The following FHIT variants were observed in gnomAD, a reference collection of about 807,000 sequenced individuals.
FHIT encodes bis(5'-adenosyl)-triphosphatase.
A neutral mutation model predicts 17.9 loss-of-function variants in FHIT; 19 were observed. That is an observed-to-expected ratio of 1.06 (90% confidence interval 0.74 to 1.56). The LOEUF is 1.56. Ranked by LOEUF, FHIT falls within the 40% of genes most tolerant of loss-of-function variation. The pLI, the probability that FHIT is intolerant of heterozygous loss-of-function variation, is 0.00. For synonymous variants in FHIT, 81 were observed against 69.7 expected, an observed-to-expected ratio of 1.16 and a Z score of -0.81; for missense variants, 248 against 189.2, an observed-to-expected ratio of 1.31 and a Z score of -1.82.
chr3:60,494,506 A>C (rs2034209997), intron 5 of FHIT, among the ~76,000 whole-genome samples: 1 of 152,170 alleles, frequency 6.6e-6, no homozygotes, highest in African/African-American at 2.4e-5. Flanking sequence ...CAAAATGTAC[A>C]ATTAAATCAT....
intron 5 of FHIT, among the ~76,000 whole-genome samples, chr3:60,046,755 T>G (rs1184291590): frequency 6.6e-6 from 1 of 152,206 alleles, no homozygotes; most frequent in Non-Finnish European, 1.5e-5. Flanking sequence ...TTGGTAGCAT[T>G]TTTTTAAATC....
chr3:60,446,867 A>AATAATC (rs1240139753), intron 5 of FHIT, among the ~76,000 whole-genome samples: 3 of 100,538 alleles, frequency 3.0e-5, no homozygotes, highest in Non-Finnish European at 6.7e-5. Context: ...AAATAATAAT[A>AATAATC]ATAATAATAA....
chr3:60,214,402 A>T (rs1343030424), intron 5 of FHIT, among the ~76,000 whole-genome samples: 1 of 152,194 alleles, frequency 6.6e-6, no homozygotes, highest in Non-Finnish European at 1.5e-5. Flanking sequence ...CTAAAAAAGC[A>T]TAGTATTCTA....
chr3:61,002,584 C>A (rs569283271), intron 3 of FHIT, among the ~76,000 whole-genome samples: 1 of 152,262 alleles, frequency 6.6e-6, no homozygotes, highest in Non-Finnish European at 1.5e-5. Context: ...CCACTTTATA[C>A]CCTTTGATCA....
intron 7 of FHIT, among the ~76,000 whole-genome samples, chr3:59,924,948 C>A (rs986286105): frequency 6.6e-6 from 1 of 152,218 alleles, no homozygotes; most frequent in Admixed American, 6.5e-5. Flanking sequence ...AGTGTGGGCA[C>A]GGAGGTCACT....
intron 8 of FHIT, among the ~76,000 whole-genome samples, chr3:59,905,258 A>C (rs1301293073): frequency 1.3e-5 from 2 of 152,214 alleles, no homozygotes; most frequent in African/African-American, 4.8e-5. Context: ...TGGCAGGAAA[A>C]AAGAATTGAT....
intron 2 of FHIT, among the ~76,000 whole-genome samples, chr3:61,108,460 A>G (rs1281504943): frequency 6.6e-6 from 1 of 152,224 alleles, no homozygotes; most frequent in Non-Finnish European, 1.5e-5. Context: ...CTGGTGAAGC[A>G]GAGAAACAGT....
intron 3 of FHIT, among the ~76,000 whole-genome samples, chr3:60,887,451 C>T (rs1375735607): frequency 2.0e-5 from 3 of 152,176 alleles, no homozygotes; most frequent in African/African-American, 7.2e-5. Context: ...TCGAGACCAG[C>T]CTGGCCAAGA....
intron 4 of FHIT, among the ~76,000 whole-genome samples, chr3:60,569,749 A>AT (rs1553654729): frequency 4.8e-5 from 3 of 62,788 alleles, no homozygotes; most frequent in African/African-American, 1.8e-4. Context: ...ATATATATAT[A>AT]TATATATTTT....
intron 8 of FHIT, among the ~76,000 whole-genome samples, chr3:59,767,369 G>A (rs1194150392): frequency 6.6e-6 from 1 of 152,060 alleles, no homozygotes; most frequent in Non-Finnish European, 1.5e-5. Context: ...TGGGGTGGTG[G>A]ACACCTGTAA....
At chr3:60,685,015 T>C (rs1458748207) in intron 4 of FHIT, among the ~76,000 whole-genome samples, 2 of 152,158 alleles carry the variant, frequency 1.3e-5, no homozygotes, top group African/African-American at 4.8e-5. Context: ...AGCGTTCTTA[T>C]CATCAAAGAC....
At chr3:61,133,986 G>A (rs2036837216) in intron 2 of FHIT, among the ~76,000 whole-genome samples, 2 of 152,072 alleles carry the variant, frequency 1.3e-5, no homozygotes. Flanking sequence ...TACTCAGGAG[G>A]CTGAGGCAGG....
At chr3:59,811,162 C>T (rs1700393364) in intron 8 of FHIT, among the ~76,000 whole-genome samples, 1 of 152,218 alleles carries the variant, frequency 6.6e-6, no homozygotes, top group African/African-American at 2.4e-5. Context: ...TGCCCTTGCA[C>T]ACTTATGTCA....
chr3:61,015,679 A>T (rs1269488920), intron 3 of FHIT, among the ~76,000 whole-genome samples: 2 of 152,198 alleles, frequency 1.3e-5, no homozygotes, highest in Non-Finnish European at 2.9e-5. Context: ...AATAAGGTGA[A>T]GAACATGAAG....
intron 2 of FHIT, among the ~76,000 whole-genome samples, chr3:61,129,690 T>C (rs1475780782): frequency 6.6e-6 from 1 of 152,202 alleles, no homozygotes; most frequent in Non-Finnish European, 1.5e-5. Flanking sequence ...TCTTGAACAT[T>C]GACTATTTCA....
At chr3:60,245,111 G>A (rs1286086847) in intron 5 of FHIT, among the ~76,000 whole-genome samples, 1 of 151,910 alleles carries the variant, frequency 6.6e-6, no homozygotes, top group Non-Finnish European at 1.5e-5. Context: ...AGATCCCCTA[G>A]GATAGAGAAT....
intron 4 of FHIT, among the ~76,000 whole-genome samples, chr3:60,810,588 C>A (rs1342893667): frequency 1.3e-5 from 2 of 152,180 alleles, no homozygotes; most frequent in East Asian, 3.8e-4. Flanking sequence ...ATTAAATAAG[C>A]TTTACAGTTG....
intron 9 of FHIT, chr3:59,750,313 T>C (rs926542853): frequency 4.4e-5 from 10 of 224,964 alleles, no homozygotes; most frequent in Non-Finnish European, 7.1e-5. Context: ...TACCTGAAAA[T>C]ACCCACTGCA....
At chr3:59,976,842 A>T in intron 7 of FHIT, among the ~76,000 whole-genome samples, 1 of 152,120 alleles carries the variant, frequency 6.6e-6, no homozygotes, top group East Asian at 1.9e-4. Flanking sequence ...CAACAAAGAC[A>T]TCCTGACCCT....
Sources: allele counts gnomAD v4.1 joint callset (sites outside exome capture counted in the v4.1 genomes callset), GRCh38; gene constraint gnomAD v4.1.1; transcripts MANE v1.5; gene names NCBI Gene and HGNC (gene_info 2026-07-23, HGNC 2026-07-21).